The following MZT1 variants were observed in gnomAD, a reference collection of about 807,000 sequenced individuals.
MZT1 encodes the protein mitotic-spindle organizing protein 1.
A neutral mutation model predicts 8.5 loss-of-function variants in MZT1; 8 were observed. That is an observed-to-expected ratio of 0.94 (90% CI 0.55 to 1.70). The LOEUF (loss-of-function observed/expected upper bound fraction) is 1.70, where lower values mean the gene tolerates loss of function less well. Ranked by LOEUF, MZT1 falls within the 40% of genes most tolerant of loss-of-function variation. The pLI is 0.00. For missense variants in MZT1, 93 were observed against 108.6 expected (o/e 0.86, Z 0.64); for synonymous variants, 38 against 42.0 (o/e 0.90, Z 0.37).
chr13:72,718,823 C>T, intron 2 of MZT1, 129 bp downstream of exon 2: 1 of 871,796 alleles, frequency 1.1e-6, no homozygotes, highest in Non-Finnish European at 1.7e-6. Context: ...TATTGAGCTC[C>T]TGGTCTTCTA....
At chr13:72,718,570 TG>T (rs1402305784) in intron 2 of MZT1, among the ~76,000 whole-genome samples, 1 of 152,040 alleles carries the variant, frequency 6.6e-6, no homozygotes, top group East Asian at 1.9e-4. Context: ...CCGCGCCTCC[TG>T]GGTTCACGCC....
At chr13:72,718,219 C>T (rs1032448894) in intron 2 of MZT1, among the ~76,000 whole-genome samples, 3 of 152,200 alleles carry the variant, frequency 2.0e-5, no homozygotes, top group Non-Finnish European at 2.9e-5. Context: ...CTTAACTTTC[C>T]TTGGCTATTT....
intron 1 of MZT1, 69 bp from the exon 2 acceptor site, chr13:72,719,166 T>C: frequency 7.9e-7 from 1 of 1,259,508 alleles, no homozygotes; most frequent in Non-Finnish European, 1.1e-6. Context: ...TATAGTACTT[T>C]CATTAATTTA....
intron 2 of MZT1, 48 bp from the exon 3 acceptor site, chr13:72,710,393 G>A: frequency 6.3e-7 from 1 of 1,588,306 alleles, no homozygotes; most frequent in Non-Finnish European, 8.6e-7. Context: ...TGGAAAAAGA[G>A]GCATCATGAA....
At chr13:72,727,193 T>C (rs999741910) in intron 1 of MZT1, among the ~76,000 whole-genome samples, 1 of 152,004 alleles carries the variant, frequency 6.6e-6, no homozygotes, top group Non-Finnish European at 1.5e-5. Flanking sequence ...GGGGTGGGCG[T>C]GACGCTGTCA....
intron 1 of MZT1, among the ~76,000 whole-genome samples, chr13:72,724,736 ATATACACATATATATATG>A (rs2032625811): frequency 2.8e-5 from 1 of 35,312 alleles, no homozygotes. Flanking sequence ...ATATATATAT[ATATACACATATATATATG>A]TAAAGTGGTG....
At chr13:72,721,160 T>C (rs1225127338) in intron 1 of MZT1, among the ~76,000 whole-genome samples, 1 of 152,218 alleles carries the variant, frequency 6.6e-6, no homozygotes, top group African/African-American at 2.4e-5. Flanking sequence ...GATAGTTTTG[T>C]ATTTCTAATT....
At chr13:72,725,014 C>A (rs1593799670) in intron 1 of MZT1, among the ~76,000 whole-genome samples, 1 of 144,786 alleles carries the variant, frequency 6.9e-6, no homozygotes, top group African/African-American at 2.6e-5. Context: ...TGCAGTGAGC[C>A]AAGGTCGCGC....
At chr13:72,724,799 C>T (rs1415255218) in intron 1 of MZT1, among the ~76,000 whole-genome samples, 1 of 137,392 alleles carries the variant, frequency 7.3e-6, no homozygotes, top group African/African-American at 2.6e-5. Flanking sequence ...CGCCTATAAT[C>T]CCAGCACTTT....
chr13:72,716,092 T>C (rs1346352823), intron 2 of MZT1, among the ~76,000 whole-genome samples: 1 of 152,036 alleles, frequency 6.6e-6, no homozygotes, highest in Non-Finnish European at 1.5e-5. Context: ...AATTTTTTTA[T>C]TTTTAGTAGA....
chr13:72,717,337 CTTTT>C (rs1172063809), intron 2 of MZT1, among the ~76,000 whole-genome samples: 2 of 110,976 alleles, frequency 1.8e-5, no homozygotes, highest in African/African-American at 3.1e-5. Context: ...CTGTCACTTT[CTTTT>C]TTTTTTTTTT....
chr13:72,724,752 A>ATATATATATGTGTGTGTGTG lies in MZT1; in HGVS notation c.79+2771_79+2772insCACACACACACATATATATA, dbSNP rs1180726488. ...TATATATATATATACACATATATAT[A>ATATATATATGTGTGTGTGTG]TGTAAAGTGGTGCTACAGGCCGGGC... On this transcript the variant is annotated intron_variant, in intron 1 of 2. Coordinates refer to ENST00000377818, the MANE Select transcript of MZT1 (RefSeq NM_001071775.3). 5.1e-4 allele frequency among the ~76,000 whole-genome samples: 29 copies of ATATATATATGTGTGTGTGTG among 56,880 alleles called. 3 individuals carry two copies. The highest frequency in any genetic ancestry group is 6.7e-4 in the Non-Finnish European group (18 of 26,830). The allele number at this position is 56,880 out of a possible 152,430, so 37.3% of individuals were successfully genotyped here. A position where few individuals can be genotyped will look rare whatever the true frequency, so the allele number is the denominator to read the frequency against.
chr13:72,719,058 T>C lies in MZT1; in HGVS notation c.119A>G (p.Asp40Gly), dbSNP rs762360997. The change falls in exon 2 of 3, where the codon GAT (aspartate) becomes GGT (glycine). Residue 40 changes from aspartate (D) to glycine (G), a missense_variant. Transcript: ENST00000377818. ...TACACAAATAGACAGAGTTTCCATA[T>C]CTAAGCCAGTATTCAAAATTCTTGA... ...EISRILNTGL[D>G]METLSICVRL... 9.6e-6 allele frequency: 15 copies of C among 1,560,584 alleles called. No homozygotes were observed. The highest frequency in any genetic ancestry group is 4.6e-5 in the East Asian group (2 of 43,080).
chr13:72,711,060 T>G (rs1203137803), intron 2 of MZT1, among the ~76,000 whole-genome samples: 1 of 152,180 alleles, frequency 6.6e-6, no homozygotes, highest in Non-Finnish European at 1.5e-5. Flanking sequence ...TACACTAAAG[T>G]ATTAGTAACA....
intron 2 of MZT1, among the ~76,000 whole-genome samples, chr13:72,713,303 A>G (rs1174755422): frequency 6.6e-6 from 1 of 152,198 alleles, no homozygotes; most frequent in Non-Finnish European, 1.5e-5. Context: ...ACTGTTTCTG[A>G]TTTCAGATGT....
chr13:72,713,225 T>A (rs1267738778), intron 2 of MZT1, among the ~76,000 whole-genome samples: 2 of 152,198 alleles, frequency 1.3e-5, no homozygotes, highest in African/African-American at 4.8e-5. Flanking sequence ...AGCTTCAGTT[T>A]CCTTAGCAGT....
rs551876658 is a variant in MZT1, at chr13:72,720,489, A to G, written c.80-1392T>C. 1.3e-3 allele frequency among the ~76,000 whole-genome samples: 196 copies of G among 152,342 alleles called. 1 individual carries two copies. Among genetic ancestry groups the G allele is most frequent in the African/African-American group, 4.4e-3 (184 of 41,586 alleles). On this transcript the variant is annotated intron_variant, in intron 1 of 2. Coordinates refer to ENST00000377818, the MANE Select transcript of MZT1 (RefSeq NM_001071775.3). ...ACAAGTTATCAATATTTAGTCACCC[A>G]TTAATTTAAGTCTAAGTCTTTCTGA...
intron 2 of MZT1, 39 bp from the exon 3 acceptor site, chr13:72,710,384 G>A (rs1229980130): frequency 1.3e-6 from 2 of 1,596,958 alleles, no homozygotes; most frequent in Non-Finnish European, 1.7e-6. Flanking sequence ...ATAAAACCAT[G>A]GAAAAAGAGG....
chr13:72,718,800 T>C, intron 2 of MZT1, 152 bp downstream of exon 2: 1 of 678,718 alleles, frequency 1.5e-6, no homozygotes, highest in Non-Finnish European at 2.3e-6. Context: ...ATTTTTATGA[T>C]ATGAACATAC....
Sources: gnomAD v4.1 joint callset for allele counts (sites outside exome capture counted in the v4.1 genomes callset) on GRCh38, gnomAD v4.1.1 for gene constraint, MANE v1.5 for transcripts, NCBI Gene and HGNC (gene_info 2026-07-23, HGNC 2026-07-21) for gene names.